Variants in DOCK3 observed in about 807,000 individuals in gnomAD.
DOCK3 encodes dedicator of cytokinesis 3.
DOCK3 carries 60 observed loss-of-function variants against 265.6 expected under a neutral mutation model. That is an observed-to-expected ratio of 0.23 (90% confidence interval 0.18 to 0.28). The LOEUF is 0.28. Ranked by LOEUF, DOCK3 falls within the 10% of genes least tolerant of loss-of-function variation. DOCK3 has a pLI of 1.00. For missense variants in DOCK3, 1,981 were observed against 2,594.3 expected (o/e 0.76, Z 5.14); for synonymous variants, 881 against 938.0 (o/e 0.94, Z 1.11).
intron 2 of DOCK3, among the ~76,000 whole-genome samples, chr3:50,807,968 C>G (rs12490519): frequency 6.6e-6 from 1 of 152,126 alleles, no homozygotes; most frequent in African/African-American, 2.4e-5. Context: ...CCAGGCTGGT[C>G]TCAAGCAGTC....
intron 5 of DOCK3, among the ~76,000 whole-genome samples, chr3:50,934,323 A>G (rs960188353): frequency 6.6e-6 from 1 of 152,166 alleles, no homozygotes; most frequent in African/African-American, 2.4e-5. Flanking sequence ...CAGGGATCTT[A>G]GCTGTCTTAC....
chr3:50,779,446 C>T (rs1243363456), intron 2 of DOCK3, among the ~76,000 whole-genome samples: 1 of 152,028 alleles, frequency 6.6e-6, no homozygotes, highest in Non-Finnish European at 1.5e-5. Context: ...CGCAATGGTG[C>T]GATCTCAGCT....
chr3:51,267,211 C>T (rs2080230716), intron 23 of DOCK3, among the ~76,000 whole-genome samples: 1 of 152,136 alleles, frequency 6.6e-6, no homozygotes, highest in African/African-American at 2.4e-5. Context: ...TGCTTTTACA[C>T]TGTTGGTGGA....
intron 5 of DOCK3, among the ~76,000 whole-genome samples, chr3:51,014,781 T>G (rs2079087320): frequency 6.6e-6 from 1 of 152,182 alleles, no homozygotes; most frequent in Non-Finnish European, 1.5e-5. Flanking sequence ...TTCCAATCCA[T>G]GGACTATCTT....
At chr3:51,276,157 A>G (rs2080808078) in intron 25 of DOCK3, among the ~76,000 whole-genome samples, 1 of 152,192 alleles carries the variant, frequency 6.6e-6, no homozygotes, top group African/African-American at 2.4e-5. Context: ...AGCAGGGGAC[A>G]GGGACTCAAT....
intron 1 of DOCK3, chr3:50,685,413 C>G (rs1468322329): frequency 1.3e-5 from 2 of 152,636 alleles, no homozygotes; most frequent in Non-Finnish European, 2.9e-5. Flanking sequence ...CTACCAGTTC[C>G]ACTTCTTGAG....
intron 12 of DOCK3, among the ~76,000 whole-genome samples, chr3:51,175,940 C>G (rs2086921908): frequency 6.6e-6 from 1 of 152,168 alleles, no homozygotes; most frequent in Non-Finnish European, 1.5e-5. Flanking sequence ...AAACAGTGTT[C>G]AGACATGCAT....
intron 4 of DOCK3, among the ~76,000 whole-genome samples, chr3:50,916,353 G>A (rs1169374272): frequency 6.6e-6 from 1 of 151,930 alleles, no homozygotes; most frequent in Non-Finnish European, 1.5e-5. Flanking sequence ...GTGTAGTGGC[G>A]CAATCTTGGC....
intron 2 of DOCK3, among the ~76,000 whole-genome samples, chr3:50,805,640 C>T (rs751165007): frequency 6.6e-6 from 1 of 152,150 alleles, no homozygotes; most frequent in Non-Finnish European, 1.5e-5. Context: ...GACCTGTGGG[C>T]TTGTCTATCA....
In DOCK3 at chr3:51,225,348, C is replaced by T. The variant is rs1322600085; in HGVS notation, c.1253-301C>T. 3.3e-5 allele frequency among the ~76,000 whole-genome samples: 5 copies of T among 152,284 alleles called. No individual in the cohort carries two copies. The South Asian group carries it at 6.2e-4, about 19-fold the overall frequency. On this transcript the variant is annotated intron_variant, in intron 14 of 52. Transcript: ENST00000266037. ...TTCCCTCTTTGGGAGGCTTAGATTA[C>T]AGCCATTCTCCTGGAGGGGAGAAAG...
chr3:50,708,874 GCT>G (rs2036581003), intron 1 of DOCK3, among the ~76,000 whole-genome samples: 1 of 152,202 alleles, frequency 6.6e-6, no homozygotes, highest in South Asian at 2.1e-4. Context: ...TTTCTTAGAA[GCT>G]CTGTTTGATG....
At chr3:50,810,114 G>A (rs918826681) in intron 2 of DOCK3, among the ~76,000 whole-genome samples, 14 of 152,134 alleles carry the variant, frequency 9.2e-5, no homozygotes, top group African/African-American at 1.9e-4. Context: ...TAGCGTGGGC[G>A]ACAGAGGGAG....
At chr3:50,988,346 A>G (rs2077980678) in intron 5 of DOCK3, among the ~76,000 whole-genome samples, 1 of 151,998 alleles carries the variant, frequency 6.6e-6, no homozygotes, top group Non-Finnish European at 1.5e-5. Context: ...CCACCCCCCC[A>G]CAACCCCTGT....
chr3:51,056,759 A>C (rs2081216656), intron 5 of DOCK3, among the ~76,000 whole-genome samples: 1 of 152,200 alleles, frequency 6.6e-6, no homozygotes, highest in Non-Finnish European at 1.5e-5. Context: ...TTAATGGTTA[A>C]TTTGTTAAAA....
At chr3:51,217,182 A>G (rs1215559002) in intron 14 of DOCK3, among the ~76,000 whole-genome samples, 1 of 151,524 alleles carries the variant, frequency 6.6e-6, no homozygotes, top group Non-Finnish European at 1.5e-5. Flanking sequence ...GATGGCCCAG[A>G]TAGGTCCTTG....
At chr3:51,001,103 A>ATGGT (rs1459068475) in intron 5 of DOCK3, among the ~76,000 whole-genome samples, 1 of 152,206 alleles carries the variant, frequency 6.6e-6, no homozygotes, top group Non-Finnish European at 1.5e-5. Context: ...AGCAGTTGTG[A>ATGGT]TGGTTAATTT....
At chr3:51,220,384 C>T (rs532463624) in intron 14 of DOCK3, among the ~76,000 whole-genome samples, 2 of 151,852 alleles carry the variant, frequency 1.3e-5, no homozygotes, top group Non-Finnish European at 2.9e-5. Context: ...GGGCAGGGTG[C>T]GGTGGCTCAC....
chr3:51,351,846 G>A (rs1363746364), intron 40 of DOCK3, among the ~76,000 whole-genome samples: 1 of 152,026 alleles, frequency 6.6e-6, no homozygotes, highest in East Asian at 1.9e-4. Context: ...TAGTTGAGAC[G>A]AGGTTTCTCC....
At chr3:51,274,935 G>A (rs1007516426) in intron 24 of DOCK3, 144 bp from the exon 25 acceptor site, 5 of 899,632 alleles carry the variant, frequency 5.6e-6, no homozygotes, top group African/African-American at 1.7e-5. Context: ...TCAGGCCCTT[G>A]TAAGGTAAGG....
Sources: allele counts gnomAD v4.1 joint callset (sites outside exome capture counted in the v4.1 genomes callset), GRCh38; gene constraint gnomAD v4.1.1; transcripts MANE v1.5; gene names NCBI Gene and HGNC (gene_info 2026-07-23, HGNC 2026-07-21).